Variants in MPZL1 observed in about 807,000 individuals in gnomAD.
MPZL1 encodes myelin protein zero-like protein 1.
Under a neutral mutation model 29.3 loss-of-function variants are expected in MPZL1, and 16 were observed. That is an observed-to-expected ratio of 0.55 (90% CI 0.37 to 0.83). MPZL1 has a LOEUF of 0.83. MPZL1 is among the 40% of genes least tolerant of loss of function. MPZL1 has a pLI of 0.00. For missense variants in MPZL1, 279 were observed against 332.9 expected (o/e 0.84, Z 1.26); for synonymous variants, 143 against 132.0 (o/e 1.08, Z -0.57).
At chr1:167,773,537 A>G in intron 4 of MPZL1, 169 bp downstream of exon 4, 4 of 684,048 alleles carry the variant, frequency 5.8e-6, no homozygotes, top group Non-Finnish European at 9.1e-6. Flanking sequence ...AGTGGAAATC[A>G]GTGGGCCTGC....
rs141729395 is a variant in MPZL1, at chr1:167,740,745, G to A, written c.91+18503G>A. Among the ~76,000 whole-genome samples the A allele has an allele frequency of 1.8e-3, 277 of 152,250 alleles. 3 individuals carry two copies. The highest frequency in any genetic ancestry group is 6.5e-3 in the African/African-American group (270 of 41,536). ...ATCAGACCTGCATATCCGGTTACCTGCTTAACTCCATTTAGAGGTCTCAAG... is the reference window on the plus strand; with the variant it reads ...ATCAGACCTGCATATCCGGTTACCTACTTAACTCCATTTAGAGGTCTCAAG... On this transcript the variant is annotated intron_variant, in intron 1 of 5. Coordinates refer to ENST00000359523, the MANE Select transcript of MPZL1 (RefSeq NM_003953.6).
chr1:167,731,338 G>C (rs1351549531), intron 1 of MPZL1, among the ~76,000 whole-genome samples: 1 of 151,758 alleles, frequency 6.6e-6, no homozygotes, highest in Non-Finnish European at 1.5e-5. Context: ...CGGGAAGGCT[G>C]AGGCACGAGA....
chr1:167,728,513 A>G (rs568755290), intron 1 of MPZL1, among the ~76,000 whole-genome samples: 3 of 151,902 alleles, frequency 2.0e-5, no homozygotes, highest in South Asian at 2.1e-4. Context: ...CAACCTATTC[A>G]TTGTCTTTTT....
intron 1 of MPZL1, among the ~76,000 whole-genome samples, chr1:167,748,614 A>G (rs1220062734): frequency 6.6e-6 from 1 of 151,964 alleles, no homozygotes; most frequent in East Asian, 1.9e-4. Context: ...AAAAATTTTA[A>G]ATTTTGGGTA....
chr1:167,781,254 T>C (rs1661491832), intron 5 of MPZL1, among the ~76,000 whole-genome samples: 1 of 152,172 alleles, frequency 6.6e-6, no homozygotes, highest in Non-Finnish European at 1.5e-5. Flanking sequence ...CAGTTTGAGC[T>C]AATAGACATT....
intron 2 of MPZL1, among the ~76,000 whole-genome samples, chr1:167,771,562 T>C (rs575767441): frequency 6.6e-5 from 10 of 152,098 alleles, no homozygotes; most frequent in Non-Finnish European, 1.2e-4. Flanking sequence ...ACTTGGAAGA[T>C]TGCACAGCGG....
intron 5 of MPZL1, among the ~76,000 whole-genome samples, chr1:167,778,006 A>C (rs1225289213): frequency 6.6e-6 from 1 of 152,236 alleles, no homozygotes; most frequent in Non-Finnish European, 1.5e-5. Context: ...TGTACAATTT[A>C]CAATGTCTGG....
At position 167,739,304 on chromosome 1, in the gene MPZL1, T is replaced by C. The variant is rs796712612; in HGVS notation, c.91+17062T>C. On this transcript the variant is annotated intron_variant, in intron 1 of 5. Transcript: ENST00000359523. ...ATACATATATATATATATATATATATATATACACATATATATATTTATGTT... is the reference window on the plus strand; with the variant it reads ...ATACATATATATATATATATATATACATATACACATATATATATTTATGTT... Among the ~76,000 whole-genome samples the C allele has an allele frequency of 2.7e-4, 25 of 93,824 alleles. 3 individuals are homozygous for C. The highest frequency in any genetic ancestry group is 1.1e-3 in the African/African-American group (18 of 16,564). 61.6% of individuals were successfully genotyped at this position (93,824 alleles called of 152,430 possible).
chr1:167,783,383 A>G (rs1016214760), intron 5 of MPZL1, among the ~76,000 whole-genome samples: 2 of 152,186 alleles, frequency 1.3e-5, no homozygotes, highest in Admixed American at 6.5e-5. Flanking sequence ...ATTGGTATAA[A>G]GTAATTTTTG....
rs1046961233 is a variant in MPZL1, at chr1:167,789,035, C to T, written c.*1114C>T. 6.6e-5 allele frequency: 10 copies of T among 151,988 alleles called. No homozygotes were observed. Among genetic ancestry groups the T allele is most frequent in the African/African-American group, 2.4e-4 (10 of 41,370 alleles). The allele number at this position is 151,988 out of a possible 1,614,324, so 9.4% of individuals were successfully genotyped here. A position where few individuals can be genotyped will look rare whatever the true frequency, so the allele number is the denominator to read the frequency against. ...GGCAAGAATCACCTTCTTTATAAAGCGTCAGTCATGCTTCCAGCAAGAGGC... is the reference window on the plus strand; with the variant it reads ...GGCAAGAATCACCTTCTTTATAAAGTGTCAGTCATGCTTCCAGCAAGAGGC... On this transcript the variant is annotated 3_prime_UTR_variant, in exon 6 of 6. Transcript: ENST00000359523.
chr1:167,758,271 C>A (rs1660912246), intron 1 of MPZL1, among the ~76,000 whole-genome samples: 1 of 152,076 alleles, frequency 6.6e-6, no homozygotes, highest in Admixed American at 6.5e-5. Flanking sequence ...TGCCTATGTT[C>A]CCTGCTGTGA....
chr1:167,755,346 A>G (rs572833273), intron 1 of MPZL1, among the ~76,000 whole-genome samples: 1 of 152,336 alleles, frequency 6.6e-6, no homozygotes, highest in South Asian at 2.1e-4. Context: ...CAAACATACT[A>G]TAAACCTGAT....
intron 1 of MPZL1, among the ~76,000 whole-genome samples, chr1:167,738,322 G>C (rs766673569): frequency 2.0e-5 from 3 of 152,114 alleles, no homozygotes; most frequent in African/African-American, 4.8e-5. Context: ...ATGTTGAATT[G>C]AAAGAACCTT....
At chr1:167,763,804 C>A (rs538879083) in intron 1 of MPZL1, among the ~76,000 whole-genome samples, 2 of 152,004 alleles carry the variant, frequency 1.3e-5, no homozygotes, top group African/African-American at 4.8e-5. Flanking sequence ...AGGTTTGGAC[C>A]GCAAATAATA....
Position 167,722,116 on chromosome 1 carries a change from C to CGCG in MPZL1, c.-20_-18dup, listed in dbSNP as rs746853360. The stretch of plus-strand genomic sequence containing the variant: ...CTCAGCGGGGACCCGGGCTCAGGGA[C>CGCG]GCGGCGGCGGCGGCGGCGACTGCAG... On this transcript the variant is annotated 5_prime_UTR_variant, in exon 1 of 6. Coordinates refer to ENST00000359523, the MANE Select transcript of MPZL1 (RefSeq NM_003953.6). The CGCG allele has an allele frequency of 2.1e-4, 256 of 1,233,264 alleles. No individual in the cohort carries two copies. Among genetic ancestry groups the CGCG allele is most frequent in the Non-Finnish European group, 2.4e-4 (235 of 988,258 alleles). The allele number at this position is 1,233,264 out of a possible 1,614,324, so 76.4% of individuals were successfully genotyped here. A position where few individuals can be genotyped will look rare whatever the true frequency, so the allele number is the denominator to read the frequency against.
At chr1:167,755,789 C>T (rs1660858136) in intron 1 of MPZL1, among the ~76,000 whole-genome samples, 1 of 152,150 alleles carries the variant, frequency 6.6e-6, no homozygotes, top group South Asian at 2.1e-4. Context: ...TGCAGCCGCA[C>T]TGTAGATGTT....
At chr1:167,774,294 T>C (rs1661316086) in intron 4 of MPZL1, among the ~76,000 whole-genome samples, 2 of 152,166 alleles carry the variant, frequency 1.3e-5, no homozygotes, top group Non-Finnish European at 2.9e-5. Flanking sequence ...TGATATAGCA[T>C]GAGCAGTGTT....
chr1:167,736,835 A>C (rs532246670), intron 1 of MPZL1, among the ~76,000 whole-genome samples: 2 of 152,252 alleles, frequency 1.3e-5, no homozygotes, highest in East Asian at 3.9e-4. Flanking sequence ...CTCTTGGGCA[A>C]ATTTAATTGT....
chr1:167,727,536 A>G (rs1157975172), intron 1 of MPZL1, among the ~76,000 whole-genome samples: 1 of 152,224 alleles, frequency 6.6e-6, no homozygotes, highest in Non-Finnish European at 1.5e-5. Flanking sequence ...CGAAGACGGT[A>G]TAATTATTAG....
Sources: allele counts gnomAD v4.1 joint callset (sites outside exome capture counted in the v4.1 genomes callset), GRCh38; gene constraint gnomAD v4.1.1; transcripts MANE v1.5; gene names NCBI Gene and HGNC (gene_info 2026-07-23, HGNC 2026-07-21).